Variants in AGMO observed in about 807,000 individuals in gnomAD.
AGMO encodes the protein glyceryl-ether monooxygenase.
In AGMO, 75 loss-of-function variants were observed where a neutral mutation model predicts 60.2. The ratio of observed to expected loss-of-function variants is 1.25; its 90% CI spans 1.03 to 1.51. The LOEUF is 1.51. Ranked by LOEUF, AGMO falls within the 40% of genes most tolerant of loss-of-function variation. The pLI is 0.00. For synonymous variants in AGMO, 261 were observed against 177.1 expected, an observed-to-expected ratio of 1.47 and a Z score of -3.76; for missense variants, 763 against 525.5, an observed-to-expected ratio of 1.45 and a Z score of -4.42.
intron 12 of AGMO, among the ~76,000 whole-genome samples, chr7:15,264,703 G>A (rs112741459): frequency 6.6e-6 from 1 of 152,042 alleles, no homozygotes; most frequent in Non-Finnish European, 1.5e-5. Context: ...CTAATGATTA[G>A]AGAAATGCAA....
chr7:15,347,604 A>C (rs1253087788), intron 12 of AGMO, among the ~76,000 whole-genome samples: 1 of 125,282 alleles, frequency 8.0e-6, no homozygotes, highest in African/African-American at 3.4e-5. Context: ...GTCCGAACTC[A>C]CTGATTTCCC....
chr7:15,253,131 G>A (rs1782988450), intron 12 of AGMO, among the ~76,000 whole-genome samples: 1 of 152,106 alleles, frequency 6.6e-6, no homozygotes, highest in Admixed American at 6.5e-5. Context: ...TGAGATGAAA[G>A]AAATAACGGC....
At chr7:15,437,531 C>CTTTT (rs201021445) in intron 3 of AGMO, among the ~76,000 whole-genome samples, 2 of 120,582 alleles carry the variant, frequency 1.7e-5, no homozygotes, top group South Asian at 2.6e-4. Flanking sequence ...AAATTTTTTC[C>CTTTT]TTTTTTTTTT....
At position 15,413,511 on chromosome 7, in the gene AGMO, T is replaced by A. The variant is rs373285495; in HGVS notation, c.609+5047A>T. ...GATTAATGTTTTTTAAATACCACAG[T>A]GGCACGTTGTAGTCAAACTGCTAAT... On this transcript the variant is annotated intron_variant, in intron 5 of 12. Coordinates refer to ENST00000342526, the MANE Select transcript of AGMO (RefSeq NM_001004320.2). Among the ~76,000 whole-genome samples the A allele has an allele frequency of 2.0e-5, 3 of 152,258 alleles. No individual in the cohort carries two copies. In the East Asian group the frequency reaches 5.8e-4, roughly 29 times the overall value.
In AGMO at chr7:15,299,343, C is replaced by A. The variant is rs186835615; in HGVS notation, c.1263+66171G>T. ...CTGTGCTGTTTATACTTATGTAATA[C>A]TGGTAAGAGTGGTTTGCCCTAATTT... On this transcript the variant is annotated intron_variant, in intron 12 of 12. Coordinates refer to ENST00000342526, the MANE Select transcript of AGMO (RefSeq NM_001004320.2). 6.6e-5 allele frequency among the ~76,000 whole-genome samples: 10 copies of A among 152,128 alleles called. No homozygotes were observed. The East Asian group carries it at 1.7e-3, about 26-fold the overall frequency.
chr7:15,284,257 C>G (rs561096871), intron 12 of AGMO, among the ~76,000 whole-genome samples: 5 of 151,722 alleles, frequency 3.3e-5, no homozygotes, highest in Admixed American at 6.6e-5. Context: ...AAAATTGATA[C>G]AGAAAAACAA....
intron 2 of AGMO, among the ~76,000 whole-genome samples, chr7:15,548,932 C>T (rs1784867449): frequency 6.6e-6 from 1 of 150,594 alleles, no homozygotes; most frequent in African/African-American, 2.5e-5. Flanking sequence ...TCGGGTTACC[C>T]TCAAAGGGAA....
intron 2 of AGMO, among the ~76,000 whole-genome samples, chr7:15,559,293 G>C (rs1416901912): frequency 1.3e-5 from 2 of 152,060 alleles, no homozygotes; most frequent in East Asian, 1.9e-4. Context: ...AAGCTAGCAG[G>C]AAGGGCTGAG....
intron 3 of AGMO, among the ~76,000 whole-genome samples, chr7:15,448,610 AATT>A (rs1781769407): frequency 2.1e-5 from 2 of 96,562 alleles, no homozygotes; most frequent in African/African-American, 9.5e-5. Context: ...CATAAAGTTT[AATT>A]TTTTTTTTTT....
chr7:15,386,149 C>G (rs1162915449), intron 9 of AGMO, among the ~76,000 whole-genome samples: 3 of 151,362 alleles, frequency 2.0e-5, no homozygotes, highest in South Asian at 2.1e-4. Context: ...TGACTGTTCT[C>G]CAACCTGGGC....
chr7:15,435,304 G>C (rs1369027712), intron 3 of AGMO, among the ~76,000 whole-genome samples: 2 of 147,632 alleles, frequency 1.4e-5, no homozygotes, highest in Admixed American at 1.4e-4. Flanking sequence ...GTTTTCCAAA[G>C]TGGCTGTGCC....
intron 12 of AGMO, among the ~76,000 whole-genome samples, chr7:15,345,205 T>C (rs1031391729): frequency 2.6e-5 from 4 of 152,196 alleles, no homozygotes; most frequent in African/African-American, 9.6e-5. Flanking sequence ...AAGTGCACTG[T>C]ATACCCATCA....
At chr7:15,135,160 GTT>G in the AGMO span, among the ~76,000 whole-genome samples, 2,298 of 34,342 alleles carry the variant, frequency 0.067, 20 homozygotes, top group East Asian at 0.17. Flanking sequence ...ATTTATATGA[GTT>G]TGTGTGTGTG....
At chr7:15,428,252 A>G (rs1203718329) in intron 4 of AGMO, among the ~76,000 whole-genome samples, 1 of 152,068 alleles carries the variant, frequency 6.6e-6, no homozygotes, top group Non-Finnish European at 1.5e-5. Context: ...CAGGCCCTTA[A>G]AACATCTCTC....
chr7:15,235,022 C>T (rs1480119580), intron 12 of AGMO, among the ~76,000 whole-genome samples: 2 of 152,096 alleles, frequency 1.3e-5, no homozygotes, highest in Non-Finnish European at 2.9e-5. Context: ...GTTCTCTGAG[C>T]ATATCATACC....
chr7:15,488,467 G>C (rs1053034108), intron 3 of AGMO, among the ~76,000 whole-genome samples: 1 of 152,044 alleles, frequency 6.6e-6, no homozygotes, highest in East Asian at 1.9e-4. Context: ...CTTTAAGCTA[G>C]CAGCCTCAAT....
At chr7:15,265,259 C>A (rs1783398158) in intron 12 of AGMO, among the ~76,000 whole-genome samples, 1 of 151,864 alleles carries the variant, frequency 6.6e-6, no homozygotes, top group Non-Finnish European at 1.5e-5. Context: ...AAAGATGGAA[C>A]AACAGACAAT....
At chr7:15,300,338 G>C (rs888041192) in intron 12 of AGMO, among the ~76,000 whole-genome samples, 1 of 152,160 alleles carries the variant, frequency 6.6e-6, no homozygotes, top group Non-Finnish European at 1.5e-5. Context: ...AGTCCAGATT[G>C]ATGGTTTGGC....
chr7:15,158,176 C>T, the AGMO span, among the ~76,000 whole-genome samples: 8 of 152,094 alleles, frequency 5.3e-5, no homozygotes, highest in South Asian at 1.7e-3. Context: ...TCCATGAACC[C>T]TAGGCACCAT....
Sources: gnomAD v4.1 joint callset for allele counts (sites outside exome capture counted in the v4.1 genomes callset) on GRCh38, gnomAD v4.1.1 for gene constraint, MANE v1.5 for transcripts, NCBI Gene and HGNC (gene_info 2026-07-23, HGNC 2026-07-21) for gene names.